KTN1: variants seen among roughly 807,000 people sequenced by gnomAD.
KTN1 encodes kinectin.
A neutral mutation model predicts 222.5 loss-of-function variants in KTN1; 130 were observed. That is an observed-to-expected ratio of 0.58 (90% confidence interval 0.51 to 0.68). The LOEUF (loss-of-function observed/expected upper bound fraction) is 0.68, where lower values mean the gene tolerates loss of function less well. Ranked by LOEUF, KTN1 falls within the 30% of genes least tolerant of loss-of-function variation. The pLI is 0.00. For missense variants in KTN1, 1,508 were observed against 1,500.4 expected, an observed-to-expected ratio of 1.01 and a Z score of -0.08; for synonymous variants, 512 against 496.3, an observed-to-expected ratio of 1.03 and a Z score of -0.42.
intron 33 of KTN1, among the ~76,000 whole-genome samples, chr14:55,664,992 AT>A (rs34864410): frequency 0.31 from 45,167 of 147,012 alleles, 6,825 homozygotes; most frequent in African/African-American, 0.38. Context: ...AGTTCTGTAA[AT>A]TTTTTTTTTT....
chr14:55,641,255 A>G (rs778253476), intron 17 of KTN1, 47 bp downstream of exon 17: 2 of 1,098,676 alleles, frequency 1.8e-6, no homozygotes, highest in African/African-American at 1.6e-5. Context: ...ACAACCTTGT[A>G]TACTTTTCAG....
intron 7 of KTN1, among the ~76,000 whole-genome samples, chr14:55,631,792 C>T (rs1008244317): frequency 1.3e-5 from 2 of 151,850 alleles, no homozygotes; most frequent in African/African-American, 2.4e-5. Flanking sequence ...ACAAAAAACT[C>T]CAAACCTCTT....
chr14:55,659,226 T>A (rs1469401986), intron 30 of KTN1, among the ~76,000 whole-genome samples: 2 of 152,028 alleles, frequency 1.3e-5, no homozygotes, highest in Non-Finnish European at 2.9e-5. Flanking sequence ...TGAAGGGCTG[T>A]GTACCTTTGC....
At position 55,619,164 on chromosome 14, in the gene KTN1, T is replaced by C. The variant is rs756471388; in HGVS notation, c.833-18T>C. The stretch of plus-strand genomic sequence containing the variant: ...TTTAAATGCCAACTCTTTGTTTGTT[T>C]GTTTTTTTCAAATTAAGAAAATGCT... On this transcript the variant is annotated intron_variant, in intron 4 of 43. Coordinates refer to ENST00000395314, the MANE Select transcript of KTN1 (RefSeq NM_001079521.2). 2 of 1,587,090 alleles carry C rather than the reference T, an allele frequency of 1.3e-6. No individual in the cohort carries two copies. The highest frequency in any genetic ancestry group is 4.5e-5 in the East Asian group (2 of 44,630).
chr14:55,617,373 A>G (rs983387249), intron 3 of KTN1, among the ~76,000 whole-genome samples: 3 of 152,194 alleles, frequency 2.0e-5, no homozygotes, highest in Admixed American at 6.5e-5. Flanking sequence ...TTGATGTTCA[A>G]ACTCTTCAAA....
At position 55,649,750 on chromosome 14, in the gene KTN1, TAAGTAGG is replaced by T. The variant is rs1321885922; in HGVS notation, c.2368-24_2368-18del. ...CCCATTTCTATTTTGAACAAATTACTAAGTAGGATACTTTCCTATTTCCAGGTTTCTT... is the reference window on the plus strand; with the variant it reads ...CCCATTTCTATTTTGAACAAATTACTATACTTTCCTATTTCCAGGTTTCTT... On this transcript the variant is annotated intron_variant, in intron 21 of 43. Coordinates refer to ENST00000395314, the MANE Select transcript of KTN1 (RefSeq NM_001079521.2). 3 of 1,376,696 alleles carry T rather than the reference TAAGTAGG, an allele frequency of 2.2e-6. No homozygotes were observed. Among genetic ancestry groups the T allele is most frequent in the African/African-American group, 3.0e-5 (2 of 67,664 alleles). The allele number at this position is 1,376,696 out of a possible 1,614,324, so 85.3% of individuals were successfully genotyped here.
rs921852179 is a variant in KTN1 at position 55,629,456 on chromosome 14, G to A, written c.1081-501G>A. ...AAAAAAAAAAGATTTGACTTAGGAAGATGATAAAACTTTGCTTTCTGAATT... is the reference window on the plus strand; with the variant it reads ...AAAAAAAAAAGATTTGACTTAGGAAAATGATAAAACTTTGCTTTCTGAATT... On this transcript the variant is annotated intron_variant, in intron 6 of 43. Coordinates refer to ENST00000395314, the MANE Select transcript of KTN1 (RefSeq NM_001079521.2). Among the ~76,000 whole-genome samples, 354 of 147,976 alleles carry A rather than the reference G, an allele frequency of 2.4e-3. 2 individuals are homozygous for A. Among genetic ancestry groups the A allele is most frequent in the African/African-American group, 8.5e-3 (343 of 40,284 alleles).
chr14:55,593,935 T>A (rs1447676682), intron 1 of KTN1, among the ~76,000 whole-genome samples: 4 of 152,212 alleles, frequency 2.6e-5, no homozygotes, highest in Non-Finnish European at 4.4e-5. Context: ...TTGTTGCTGT[T>A]ACCTTTAGGA....
intron 1 of KTN1, among the ~76,000 whole-genome samples, chr14:55,611,168 G>A (rs1325304172): frequency 2.0e-5 from 3 of 152,028 alleles, no homozygotes; most frequent in African/African-American, 7.2e-5. Context: ...GGTCACTGAA[G>A]CCTCGACTTC....
At chr14:55,659,299 T>G (rs935688572) in intron 30 of KTN1, among the ~76,000 whole-genome samples, 1 of 151,320 alleles carries the variant, frequency 6.6e-6, no homozygotes, top group Non-Finnish European at 1.5e-5. Context: ...GTTTTGCTTT[T>G]GATTTCTGTT....
intron 1 of KTN1, among the ~76,000 whole-genome samples, chr14:55,604,781 T>G (rs1174687575): frequency 2.0e-5 from 3 of 151,934 alleles, no homozygotes. Flanking sequence ...TAGGTTTGAT[T>G]TAAGCTGGGT....
intron 1 of KTN1, among the ~76,000 whole-genome samples, chr14:55,597,620 G>A (rs1258666500): frequency 6.6e-6 from 1 of 152,144 alleles, no homozygotes; most frequent in East Asian, 1.9e-4. Context: ...TTGGGAGGCC[G>A]AGGCGGGCAG....
At chr14:55,605,487 T>A (rs2036595050) in intron 1 of KTN1, among the ~76,000 whole-genome samples, 1 of 152,188 alleles carries the variant, frequency 6.6e-6, no homozygotes, top group Admixed American at 6.5e-5. Flanking sequence ...CCAAAGAGGT[T>A]ATGCATTTGT....
chr14:55,668,404 T>G (rs1176664555), intron 34 of KTN1: 1 of 152,142 alleles, frequency 6.6e-6, no homozygotes, highest in East Asian at 1.9e-4. Context: ...TCCTATGAAG[T>G]TTCCCACAGT....
Position 55,634,678 on chromosome 14 carries a change from A to T in KTN1, c.1461+20A>T, listed in dbSNP as rs2040909940. The T allele has an allele frequency of 6.3e-7, 1 of 1,599,674 alleles. No homozygotes were observed. Among genetic ancestry groups the T allele is most frequent in the Non-Finnish European group, 8.5e-7 (1 of 1,173,932 alleles). ...TTGAAGGTGATATATTCTCACCTTTATTTGTCATTTCATGAATAATATAGG... is the reference window on the plus strand; with the variant it reads ...TTGAAGGTGATATATTCTCACCTTTTTTTGTCATTTCATGAATAATATAGG... On this transcript the variant is annotated intron_variant, in intron 9 of 43. Transcript: ENST00000395314.
intron 24 of KTN1, chr14:55,651,592 T>C: frequency 2.6e-6 from 1 of 381,788 alleles, no homozygotes; most frequent in Non-Finnish European, 4.9e-6. Flanking sequence ...TACAGATTTC[T>C]TTATTCCTTC....
chr14:55,656,289 C>T, intron 29 of KTN1, 157 bp downstream of exon 29: 1 of 591,988 alleles, frequency 1.7e-6, no homozygotes, highest in South Asian at 2.4e-5. Context: ...GAGTAAGTAC[C>T]CATGCATAAA....
intron 43 of KTN1, chr14:55,680,990 C>G (rs1315063314): frequency 3.2e-6 from 1 of 314,222 alleles, no homozygotes; most frequent in Non-Finnish European, 6.3e-6. Flanking sequence ...TCCCTCTGTT[C>G]AGTCTTGAAA....
chr14:55,646,404 T>G (rs1039402670), intron 18 of KTN1, among the ~76,000 whole-genome samples: 1 of 149,170 alleles, frequency 6.7e-6, no homozygotes, highest in Non-Finnish European at 1.5e-5. Flanking sequence ...TTTCTTTCTT[T>G]CTTCCTTTTT....
Sources: allele counts gnomAD v4.1 joint callset (sites outside exome capture counted in the v4.1 genomes callset), GRCh38; gene constraint gnomAD v4.1.1; transcripts MANE v1.5; gene names NCBI Gene and HGNC (gene_info 2026-07-23, HGNC 2026-07-21).